The following STAT5B variants were observed in gnomAD, a reference collection of about 807,000 sequenced individuals.
STAT5B encodes transcription factor STAT5B.
In STAT5B, 21 loss-of-function variants were observed where a neutral mutation model predicts 107.8. The observed-to-expected ratio is 0.19, with a 90% CI of 0.14 to 0.28. The LOEUF is 0.28. STAT5B is among the 10% of genes least tolerant of loss of function. STAT5B has a pLI of 1.00. For synonymous variants in STAT5B, 325 were observed against 401.7 expected (o/e 0.81, Z 2.28); for missense variants, 565 against 1,008.2 (o/e 0.56, Z 5.95).
chr17:42,214,732 A>T (rs1218889267), intron 12 of STAT5B: 14 of 860,572 alleles, frequency 1.6e-5, no homozygotes, highest in Non-Finnish European at 2.0e-5. Context: ...AATATGTAAC[A>T]AATGACCTTT....
chr17:42,231,915 A>G (rs995694462), intron 2 of STAT5B, 85 bp downstream of exon 2: 9 of 1,585,118 alleles, frequency 5.7e-6, no homozygotes, highest in Admixed American at 3.4e-5. Flanking sequence ...ACAACTTTGA[A>G]AGTTGCCATC....
At chr17:42,268,872 T>C (rs1322886156) in intron 1 of STAT5B, among the ~76,000 whole-genome samples, 1 of 152,238 alleles carries the variant, frequency 6.6e-6, no homozygotes, top group Non-Finnish European at 1.5e-5. Flanking sequence ...TATTTAAATA[T>C]ACTGTAGAAT....
rs1491552700 is a variant in STAT5B at position 42,262,815 on chromosome 17, CAT to C, written c.-11+13431_-11+13432del. ...ATATATATGTGTGTATATATACACA[CAT>C]ATATATGTGTATATATACACACATA... On this transcript the variant is annotated intron_variant, in intron 1 of 18. Coordinates refer to ENST00000293328, the MANE Select transcript of STAT5B (RefSeq NM_012448.4). Among the ~76,000 whole-genome samples, 69 of 116,096 alleles carry C rather than the reference CAT, an allele frequency of 5.9e-4. 1 individual carries two copies. Among genetic ancestry groups the C allele is most frequent in the East Asian group, 1.6e-3 (6 of 3,738 alleles). The allele number at this position is 116,096 out of a possible 152,430, so 76.2% of individuals were successfully genotyped here. A position where few individuals can be genotyped will look rare whatever the true frequency, so the allele number is the denominator to read the frequency against.
chr17:42,256,412 C>T (rs1380352804), intron 1 of STAT5B, among the ~76,000 whole-genome samples: 1 of 152,112 alleles, frequency 6.6e-6, no homozygotes, highest in Non-Finnish European at 1.5e-5. Flanking sequence ...CAGTAAAAGG[C>T]ACACTTTCAG....
rs1028085343 is a variant in STAT5B at position 42,216,657 on chromosome 17, T to C, written c.1380+503A>G. On this transcript the variant is annotated intron_variant, in intron 11 of 18. Transcript: ENST00000293328. The stretch of plus-strand genomic sequence containing the variant: ...CCTCCCAAAGTGTTAGGATTACAGA[T>C]GTGAGCCACTGCACTGGGCCTTGCT... Among the ~76,000 whole-genome samples the C allele has an allele frequency of 3.3e-5, 5 of 151,818 alleles. No individual in the cohort carries two copies. In the East Asian group the frequency reaches 5.8e-4, roughly 18 times the overall value.
intron 1 of STAT5B, chr17:42,270,716 A>G (rs988294102): frequency 6.6e-6 from 1 of 152,212 alleles, no homozygotes; most frequent in African/African-American, 2.4e-5. Flanking sequence ...GTCTTATAAC[A>G]AAGTGGCAGT....
intron 1 of STAT5B, 84 bp from the exon 2 acceptor site, chr17:42,232,221 C>A: frequency 1.4e-6 from 2 of 1,406,558 alleles, no homozygotes; most frequent in Non-Finnish European, 1.9e-6. Context: ...ACTTAGTTAC[C>A]AAGGTAAATG....
At chr17:42,243,712 T>C (rs1300332251) in intron 1 of STAT5B, among the ~76,000 whole-genome samples, 2 of 152,096 alleles carry the variant, frequency 1.3e-5, no homozygotes, top group Non-Finnish European at 2.9e-5. Context: ...AGGGCAAACA[T>C]TCCAAAAAAG....
At position 42,223,561 on chromosome 17, in the gene STAT5B, G is replaced by A. The variant is rs938537112; in HGVS notation, c.376-5C>T. On this transcript the variant is annotated splice_polypyrimidine_tract_variant and splice_region_variant and intron_variant, in intron 4 of 18. Transcript: ENST00000293328. ...GCTTCCAGCTGGAGAGCTACCCTGG[G>A]AACATATGGGGGGCAGTGCAAGGCA... The A allele has an allele frequency of 1.2e-6, 2 of 1,614,104 alleles. No homozygotes were observed. Among genetic ancestry groups the A allele is most frequent in the Non-Finnish European group, 8.5e-7 (1 of 1,180,010 alleles).
At chr17:42,256,635 A>G (rs2080547215) in intron 1 of STAT5B, among the ~76,000 whole-genome samples, 1 of 152,012 alleles carries the variant, frequency 6.6e-6, no homozygotes, top group African/African-American at 2.4e-5. Context: ...TGAGGCGAGC[A>G]GGTCACGAGG....
intron 1 of STAT5B, among the ~76,000 whole-genome samples, chr17:42,236,879 G>T (rs1195692300): frequency 6.6e-6 from 1 of 152,156 alleles, no homozygotes; most frequent in Admixed American, 6.5e-5. Context: ...ACGCTACTCT[G>T]CATCTACAAA....
At chr17:42,228,213 G>A (rs2080289885) in intron 2 of STAT5B, among the ~76,000 whole-genome samples, 1 of 152,216 alleles carries the variant, frequency 6.6e-6, no homozygotes, top group Admixed American at 6.5e-5. Context: ...CATTCAGGCA[G>A]AGGGTGCCTA....
chr17:42,221,051 G>T (rs1309562291), intron 5 of STAT5B, among the ~76,000 whole-genome samples: 1 of 152,114 alleles, frequency 6.6e-6, no homozygotes, highest in Non-Finnish European at 1.5e-5. Context: ...CTCCTGGCTG[G>T]CCCCTGAGGG....
At chr17:42,252,131 T>A (rs539692755) in intron 1 of STAT5B, among the ~76,000 whole-genome samples, 1 of 152,180 alleles carries the variant, frequency 6.6e-6, no homozygotes, top group South Asian at 2.1e-4. Context: ...AAATAGACAC[T>A]CTGATACAGA....
the STAT5B span, chr17:42,288,230 T>G: frequency 6.6e-6 from 1 of 151,834 alleles, no homozygotes; most frequent in Non-Finnish European, 1.5e-5. This position sits in a 1 kb window ranked among gnomAD's most constrained non-coding sequence, Gnocchi z 4.8. Flanking sequence ...CCCGCCCCGG[T>G]TCCGGGACGC....
intron 1 of STAT5B, among the ~76,000 whole-genome samples, chr17:42,246,924 C>T (rs1240599972): frequency 6.6e-6 from 1 of 152,166 alleles, no homozygotes; most frequent in Non-Finnish European, 1.5e-5. Context: ...TCACAGGAAA[C>T]CTCAGCTGTT....
chr17:42,256,818 C>T (rs1046040516), intron 1 of STAT5B, among the ~76,000 whole-genome samples: 3 of 133,214 alleles, frequency 2.3e-5, no homozygotes, highest in Non-Finnish European at 4.6e-5. Flanking sequence ...ACGGAGATTG[C>T]GCCACTGCAC....
At chr17:42,208,474 T>C (rs2080103629) in intron 15 of STAT5B, among the ~76,000 whole-genome samples, 2 of 151,376 alleles carry the variant, frequency 1.3e-5, no homozygotes, top group African/African-American at 4.9e-5. Flanking sequence ...CCAGCCTGGG[T>C]GACAGAGACC....
chr17:42,214,244 T>G (rs2080153340), intron 12 of STAT5B: 1 of 985,026 alleles, frequency 1.0e-6, no homozygotes. Flanking sequence ...ACTTGAGTAA[T>G]TACATGGTGC....
Sources: allele counts gnomAD v4.1 joint callset (sites outside exome capture counted in the v4.1 genomes callset), GRCh38; gene constraint gnomAD v4.1.1; non-coding constraint Gnocchi (gnomAD v3.1); transcripts MANE v1.5; gene names NCBI Gene and HGNC (gene_info 2026-07-23, HGNC 2026-07-21).